GRM4: variants seen among roughly 807,000 people sequenced by gnomAD.
GRM4 encodes glutamate metabotropic receptor 4.
Under a neutral mutation model 81.7 loss-of-function variants are expected in GRM4, and 28 were observed. The observed-to-expected ratio is 0.34, with a 90% CI of 0.25 to 0.47. GRM4 has a LOEUF of 0.47. Among genes scored for constraint, GRM4 ranks in the 20% least tolerant of loss-of-function variants. The probability of loss-of-function intolerance (pLI) is 1.00; values close to 1 mark genes in which losing one functional copy is unlikely to be tolerated. For missense variants in GRM4, 948 were observed against 1,290.0 expected (o/e 0.73, Z 4.06); for synonymous variants, 488 against 528.8 (o/e 0.92, Z 1.06).
intron 6 of GRM4, among the ~76,000 whole-genome samples, chr6:34,052,523 C>G (rs1765666383): frequency 6.6e-6 from 1 of 152,166 alleles, no homozygotes; most frequent in Non-Finnish European, 1.5e-5. Context: ...GGCAAAGGAC[C>G]CAGGAGTGGC....
In GRM4 at chr6:34,044,913, TACAC is replaced by T. The variant is rs571364164; in HGVS notation, c.1169-4169_1169-4166del. 3.3e-3 allele frequency among the ~76,000 whole-genome samples: 495 copies of T among 149,258 alleles called. 15 individuals are homozygous for T. Among genetic ancestry groups the T allele is most frequent in the Non-Finnish European group, 4.3e-4 (29 of 67,504 alleles). On this transcript the variant is annotated intron_variant, in intron 6 of 10. Transcript: ENST00000538487. ...ATACACATACACACACAGACATACA[TACAC>T]ATATATACACAGACACACACACACA...
intron 6 of GRM4, among the ~76,000 whole-genome samples, chr6:34,049,576 C>T (rs1765512951): frequency 6.6e-6 from 1 of 152,182 alleles, no homozygotes; most frequent in African/African-American, 2.4e-5. Context: ...CACAAGGCCA[C>T]GTGGGTCCCA....
At chr6:34,075,433 G>A (rs1052671936) in intron 3 of GRM4, among the ~76,000 whole-genome samples, 3 of 152,088 alleles carry the variant, frequency 2.0e-5, no homozygotes, top group Non-Finnish European at 2.9e-5. Context: ...CCCTTCTCAC[G>A]TCTCTATCTG....
chr6:34,067,438 G>C (rs149051238), intron 3 of GRM4, among the ~76,000 whole-genome samples: 4,301 of 39,052 alleles, frequency 0.11, 342 homozygotes, highest in African/African-American at 0.23. Context: ...CCCTCCCTCC[G>C]TCCTTCCTTC....
In GRM4 at chr6:34,130,347, A is replaced by C. The variant is rs1581727481; in HGVS notation, c.519+2631T>G. On this transcript the variant is annotated intron_variant, in intron 2 of 10. Coordinates refer to ENST00000538487, the MANE Select transcript of GRM4 (RefSeq NM_000841.4). This position sits in a 1 kb window ranked among gnomAD's most constrained non-coding sequence, Gnocchi z 4.1. ...TTTCTTCTCCACTCCCCAGGTCTCT[A>C]CCTCCCGGTCCTGCCTTGCTCTCTG... 1.3e-5 allele frequency among the ~76,000 whole-genome samples: 2 copies of C among 150,170 alleles called. No individual in the cohort carries two copies. The highest frequency in any genetic ancestry group is 1.5e-5 in the Non-Finnish European group (1 of 67,462).
chr6:34,148,214 C>A (rs1770978248), upstream of GRM4, among the ~76,000 whole-genome samples: 2 of 152,150 alleles, frequency 1.3e-5, no homozygotes, highest in South Asian at 4.1e-4. Context: ...CCTGACCACC[C>A]CGGGCCTCCA....
At chr6:34,033,515 G>A (rs1299791662) in intron 9 of GRM4, among the ~76,000 whole-genome samples, 1 of 152,082 alleles carries the variant, frequency 6.6e-6, no homozygotes, top group Non-Finnish European at 1.5e-5. Context: ...GTAAGCAGGG[G>A]ATGATGAGAC....
intron 3 of GRM4, among the ~76,000 whole-genome samples, chr6:34,073,872 C>A (rs569951904): frequency 2.0e-5 from 3 of 152,242 alleles, no homozygotes; most frequent in African/African-American, 7.2e-5. Context: ...GGCCCAGCCA[C>A]ACCTCAGCAC....
At chr6:34,075,224 C>T (rs951770539) in intron 3 of GRM4, among the ~76,000 whole-genome samples, 3 of 152,154 alleles carry the variant, frequency 2.0e-5, no homozygotes, top group African/African-American at 4.8e-5. Context: ...ACTGGAGGAG[C>T]CACTCACAGG....
intron 3 of GRM4, among the ~76,000 whole-genome samples, chr6:34,073,061 CAG>C (rs1767065214): frequency 7.8e-6 from 1 of 128,322 alleles, no homozygotes; most frequent in African/African-American, 2.9e-5. Flanking sequence ...CATCACCACA[CAG>C]ATACACACCA....
intron 3 of GRM4, among the ~76,000 whole-genome samples, chr6:34,084,382 G>T (rs899586705): frequency 6.6e-6 from 1 of 152,134 alleles, no homozygotes; most frequent in Non-Finnish European, 1.5e-5. Context: ...CAGAGGGAAG[G>T]GTCAGCAGGC....
Position 34,061,907 on chromosome 6 carries a change from G to T in GRM4, c.858C>A (p.Asn286Lys). The part of the protein sequence containing the change: ...SNARAVIIFA[N>K]EDDIRRVLEA... ...CCTGCCCTCACCTGATGTCATCCTCGTTGGCAAAGATGATGACTGCCCTGG... is the reference window on the plus strand; with the variant it reads ...CCTGCCCTCACCTGATGTCATCCTCTTTGGCAAAGATGATGACTGCCCTGG... The change falls in exon 4 of 11, where the codon AAC becomes AAA. Residue 286 changes from asparagine to lysine, a missense_variant. Physicochemically the swap from Asn to Lys is moderately conservative, Grantham distance 94 (BLOSUM62 0). Transcript: ENST00000538487. 6.2e-7 allele frequency: 1 copy of T among 1,612,898 alleles called. No individual in the cohort carries two copies.
intron 2 of GRM4, among the ~76,000 whole-genome samples, chr6:34,117,438 C>T (rs1939169359): frequency 6.6e-6 from 1 of 152,228 alleles, no homozygotes; most frequent in African/African-American, 2.4e-5. Flanking sequence ...CAAACCCCAC[C>T]TGTCCATGGT....
chr6:34,137,354 A>G (rs756169833), intron 1 of GRM4, among the ~76,000 whole-genome samples: 10 of 152,242 alleles, frequency 6.6e-5, no homozygotes, highest in Non-Finnish European at 1.5e-4. Flanking sequence ...GGTCACCTCC[A>G]CATAGCAACA....
chr6:34,120,499 A>G (rs962562727), intron 2 of GRM4, among the ~76,000 whole-genome samples: 1 of 152,194 alleles, frequency 6.6e-6, no homozygotes, highest in Admixed American at 6.5e-5. Context: ...AAACCACTTA[A>G]GGAATTTAAA....
At chr6:34,099,255 G>T (rs1768703451) in intron 2 of GRM4, among the ~76,000 whole-genome samples, 1 of 152,212 alleles carries the variant, frequency 6.6e-6, no homozygotes, top group African/African-American at 2.4e-5. Flanking sequence ...GGAGCCAGGG[G>T]AGCTGTGGAG....
intron 2 of GRM4, among the ~76,000 whole-genome samples, chr6:34,109,029 C>A (rs1428352443): frequency 6.6e-6 from 1 of 152,218 alleles, no homozygotes; most frequent in South Asian, 2.1e-4. Flanking sequence ...ACCCGCCACT[C>A]GGGGTGAGGA....
intron 1 of GRM4, among the ~76,000 whole-genome samples, chr6:34,140,418 A>AG (rs996139430): frequency 2.0e-5 from 3 of 152,142 alleles, no homozygotes; most frequent in African/African-American, 4.8e-5. Context: ...GGGCCACAGA[A>AG]GGGTTTGAGC....
chr6:34,138,548 C>T (rs934047045), intron 1 of GRM4, among the ~76,000 whole-genome samples: 2 of 152,230 alleles, frequency 1.3e-5, no homozygotes, highest in African/African-American at 2.4e-5. Context: ...GGAGGCCTCT[C>T]CCCTCCCCTC....
Sources: allele counts gnomAD v4.1 joint callset (sites outside exome capture counted in the v4.1 genomes callset), GRCh38; gene constraint gnomAD v4.1.1; non-coding constraint Gnocchi (gnomAD v3.1); transcripts MANE v1.5; gene names NCBI Gene and HGNC (gene_info 2026-07-23, HGNC 2026-07-21).